PTPN6: variants seen among roughly 807,000 people sequenced by gnomAD.
The protein encoded by PTPN6 is tyrosine-protein phosphatase non-receptor type 6.
PTPN6 carries 18 observed loss-of-function variants against 81.5 expected under a neutral mutation model. That is an observed-to-expected ratio of 0.22 (90% CI 0.15 to 0.33). The LOEUF (loss-of-function observed/expected upper bound fraction) is 0.33. Among genes scored for constraint, PTPN6 ranks in the 10% least tolerant of loss-of-function variants. The probability of loss-of-function intolerance (pLI) is 1.00; values close to 1 mark genes in which losing one functional copy is unlikely to be tolerated. For synonymous variants in PTPN6, 301 were observed against 310.9 expected (o/e 0.97, Z 0.33); for missense variants, 500 against 794.2 (o/e 0.63, Z 4.45).
upstream of PTPN6, among the ~76,000 whole-genome samples, chr12:6,948,639 A>G (rs191441637): frequency 2.0e-5 from 3 of 152,024 alleles, no homozygotes; most frequent in East Asian, 5.8e-4. Context: ...GGTCGAAAGA[A>G]AAAAGAAAAA....
chr12:6,953,870 G>T (rs782486435), intron 3 of PTPN6, among the ~76,000 whole-genome samples: 1 of 152,200 alleles, frequency 6.6e-6, no homozygotes, highest in South Asian at 2.1e-4. Context: ...GGGACAGACT[G>T]GTCCTCCCCT....
In PTPN6 at chr12:6,960,018, G is replaced by T. The variant is rs41311241; in HGVS notation, c.1429+24G>T. 6.2e-7 allele frequency: 1 copy of T among 1,611,534 alleles called. No homozygotes were observed. The highest frequency in any genetic ancestry group is 1.7e-5 in the Admixed American group (1 of 60,016). ...GGGTGAGGGGCACCTGGGGGTTTGG[G>T]GGTGGGGGGTGAGCAGCCCCTCGGT... On this transcript the variant is annotated intron_variant, in intron 12 of 15. Coordinates refer to ENST00000318974, the MANE Select transcript of PTPN6 (RefSeq NM_002831.6). The surrounding 1 kb of genome is among the most constrained non-coding windows in gnomAD (Gnocchi z 6.1).
chr12:6,956,792 T>C lies in PTPN6; in HGVS notation c.1074+224T>C, dbSNP rs1423426304. ...AGCTCCAGACCCAGGTTCCAGGCTG[T>C]CCTCCTTCCTCCTACCCCTGCCCCA... On this transcript the variant is annotated intron_variant, in intron 9 of 15. Transcript: ENST00000318974. The surrounding 1 kb of genome is among the most constrained non-coding windows in gnomAD (Gnocchi z 4.1). 6.6e-6 allele frequency among the ~76,000 whole-genome samples: 1 copy of C among 152,064 alleles called. No individual in the cohort carries two copies. The highest frequency in any genetic ancestry group is 1.5e-5 in the Non-Finnish European group (1 of 68,002).
chr12:6,955,026 C>A lies in PTPN6; in HGVS notation c.516+32C>A, dbSNP rs1293862357. 3.1e-6 allele frequency: 5 copies of A among 1,612,694 alleles called. No homozygotes were observed. In the African/African-American group the frequency reaches 6.7e-5, roughly 22 times the overall value. On this transcript the variant is annotated intron_variant, in intron 4 of 15. Coordinates refer to ENST00000318974, the MANE Select transcript of PTPN6 (RefSeq NM_002831.6). The surrounding 1 kb of genome is among the most constrained non-coding windows in gnomAD (Gnocchi z 7.2). ...CAGCCAGGCGGCGGGGGAGCCTCTG[C>A]TGAGGCTCCTGTCTGTGACCACAGT... is the stretch of plus-strand genomic sequence containing the variant.
At position 6,954,051 on chromosome 12, in the gene PTPN6, G is replaced by A. The variant is rs782181927; in HGVS notation, c.327-754G>A. Among the ~76,000 whole-genome samples the A allele has an allele frequency of 1.2e-4, 19 of 152,300 alleles. No individual in the cohort carries two copies. Among genetic ancestry groups the A allele is most frequent in the African/African-American group, 4.6e-4 (19 of 41,552 alleles). On this transcript the variant is annotated intron_variant, in intron 3 of 15. Transcript: ENST00000318974. The surrounding 1 kb of genome is among the most constrained non-coding windows in gnomAD (Gnocchi z 5.4). The stretch of plus-strand genomic sequence containing the variant: ...TTGTGGGGCTACAGTTTCCTCCTGG[G>A]AAAGGGGTGTGCTTCGGGGAAAGGG...
In PTPN6 at chr12:6,954,003, G is replaced by A. The variant is rs782548190; in HGVS notation, c.327-802G>A. Among the ~76,000 whole-genome samples the A allele has an allele frequency of 1.3e-5, 2 of 152,118 alleles. No homozygotes were observed. The highest frequency in any genetic ancestry group is 6.5e-5 in the Admixed American group (1 of 15,274). On this transcript the variant is annotated intron_variant, in intron 3 of 15. Transcript: ENST00000318974. The surrounding 1 kb of genome is among the most constrained non-coding windows in gnomAD (Gnocchi z 5.4). ...AGGAGTTTTGTGTTTTTTCCATCAC[G>A]TGGTTTCCTGTGGGGCTGGGCTTTG...
In PTPN6 at chr12:6,959,743, G is replaced by T. The variant is rs1350130403; in HGVS notation, c.1362-184G>T. 3 of 664,780 alleles carry T rather than the reference G, an allele frequency of 4.5e-6. No individual in the cohort carries two copies. Among genetic ancestry groups the T allele is most frequent in the Non-Finnish European group, 8.0e-6 (3 of 377,254 alleles). The allele number at this position is 664,780 out of a possible 1,614,324, so 41.2% of individuals were successfully genotyped here. ...TCAGCACCGCAGAGCCCGAGGTGGAGCGTGTCCATGCAGAGCTGGGCAAAC... is the reference window on the plus strand; with the variant it reads ...TCAGCACCGCAGAGCCCGAGGTGGATCGTGTCCATGCAGAGCTGGGCAAAC... On this transcript the variant is annotated intron_variant, in intron 11 of 15. Transcript: ENST00000318974. The surrounding 1 kb of genome is among the most constrained non-coding windows in gnomAD (Gnocchi z 6.6).
Position 6,960,266 on chromosome 12 carries a change from G to GGC in PTPN6, c.1581+28_1581+29insCG, listed in dbSNP as rs782008856. ...TGCGTGCAGAGCAGGGCCTGGGGGGGGGGGGGGCTGCAGTGCAGGATGGGT... is the reference window on the plus strand; with the variant it reads ...TGCGTGCAGAGCAGGGCCTGGGGGGGGCGGGGGGGCTGCAGTGCAGGATGGGT... On this transcript the variant is annotated intron_variant, in intron 13 of 15. Coordinates refer to ENST00000318974, the MANE Select transcript of PTPN6 (RefSeq NM_002831.6). This position sits in a 1 kb window ranked among gnomAD's most constrained non-coding sequence, Gnocchi z 6.1. 20 of 1,607,292 alleles carry GGC rather than the reference G, an allele frequency of 1.2e-5. 1 individual carries two copies. The South Asian group carries it at 2.1e-4, about 17-fold the overall frequency.
rs1234373805 is a variant in PTPN6, at chr12:6,955,541, G to A, written c.747+56G>A. 3.1e-6 allele frequency: 5 copies of A among 1,587,596 alleles called. No homozygotes were observed. The African/African-American group carries it at 6.7e-5, about 21-fold the overall frequency. On this transcript the variant is annotated intron_variant, in intron 6 of 15. Transcript: ENST00000318974. This position sits in a 1 kb window ranked among gnomAD's most constrained non-coding sequence, Gnocchi z 7.2. ...AGCTGAGGTGGTGGCAGCGGCCTGG[G>A]GCCCCAGGCGGACACCTTCCCCTCC...
Position 6,955,025 on chromosome 12 carries a change from G to C in PTPN6, c.516+31G>C, listed in dbSNP as rs781839508. The C allele has an allele frequency of 8.1e-6, 13 of 1,613,218 alleles. No homozygotes were observed. The highest frequency in any genetic ancestry group is 3.3e-5 in the Admixed American group (2 of 60,032). ...GCAGCCAGGCGGCGGGGGAGCCTCT[G>C]CTGAGGCTCCTGTCTGTGACCACAG... On this transcript the variant is annotated intron_variant, in intron 4 of 15. Coordinates refer to ENST00000318974, the MANE Select transcript of PTPN6 (RefSeq NM_002831.6). The surrounding 1 kb of genome is among the most constrained non-coding windows in gnomAD (Gnocchi z 7.2).
In PTPN6 at chr12:6,954,046, C is replaced by T. The variant is rs1482949890; in HGVS notation, c.327-759C>T. 1.3e-5 allele frequency among the ~76,000 whole-genome samples: 2 copies of T among 152,186 alleles called. No homozygotes were observed. The highest frequency in any genetic ancestry group is 4.8e-5 in the African/African-American group (2 of 41,444). ...GGGCTTTGTGGGGCTACAGTTTCCT[C>T]CTGGGAAAGGGGTGTGCTTCGGGGA... On this transcript the variant is annotated intron_variant, in intron 3 of 15. Coordinates refer to ENST00000318974, the MANE Select transcript of PTPN6 (RefSeq NM_002831.6). This position sits in a 1 kb window ranked among gnomAD's most constrained non-coding sequence, Gnocchi z 5.4.
At position 6,955,851 on chromosome 12, in the gene PTPN6, G is replaced by A; in HGVS notation, c.844+95G>A. ...GGTCTCCACCCTCCACGCCAGGAGG[G>A]GCCATCTCCCCACACCCCCCACAGA... On this transcript the variant is annotated intron_variant, in intron 7 of 15. Transcript: ENST00000318974. The surrounding 1 kb of genome is among the most constrained non-coding windows in gnomAD (Gnocchi z 7.2). 1 of 1,209,948 alleles carries A rather than the reference G, an allele frequency of 8.3e-7. No individual in the cohort carries two copies. Among genetic ancestry groups the A allele is most frequent in the Non-Finnish European group, 1.2e-6 (1 of 823,502 alleles). 75.0% of individuals were successfully genotyped at this position (1,209,948 alleles called of 1,614,324 possible). A position where few individuals can be genotyped will look rare whatever the true frequency, so the allele number is the denominator to read the frequency against.
Position 6,957,629 on chromosome 12 carries a change from T to TGCCCCCC in PTPN6, c.1075-25_1075-24insGCCCCCC. 2 of 1,521,468 alleles carry TGCCCCCC rather than the reference T, an allele frequency of 1.3e-6. No individual in the cohort carries two copies. Among genetic ancestry groups the TGCCCCCC allele is most frequent in the Admixed American group, 1.7e-5 (1 of 58,732 alleles). 94.2% of individuals were successfully genotyped at this position (1,521,468 alleles called of 1,614,324 possible). On this transcript the variant is annotated intron_variant, in intron 9 of 15. Transcript: ENST00000318974. The surrounding 1 kb of genome is among the most constrained non-coding windows in gnomAD (Gnocchi z 6.5). ...CCACAGTGCCCTGCTCTGTGCCTCATCCCCACCCGACCCTCCCTTTCCAGA... is the reference window on the plus strand; with the variant it reads ...CCACAGTGCCCTGCTCTGTGCCTCATGCCCCCCCCCCACCCGACCCTCCCTTTCCAGA...
chr12:6,946,712 C>T (rs782543099), upstream of PTPN6: 6 of 1,611,662 alleles, frequency 3.7e-6, no homozygotes, highest in Admixed American at 6.7e-5. Flanking sequence ...TGGCTTCCCC[C>T]TCCCTACAGA....
chr12:6,954,792 C>G lies in PTPN6; in HGVS notation c.327-13C>G, dbSNP rs1039288195. ...GGCCTGGGTCTTACCTTCCCTGACGCTGCCTTCTCTAGGTGGTACCATGGC... is the reference window on the plus strand; with the variant it reads ...GGCCTGGGTCTTACCTTCCCTGACGGTGCCTTCTCTAGGTGGTACCATGGC... On this transcript the variant is annotated splice_polypyrimidine_tract_variant and intron_variant, in intron 3 of 15. Transcript: ENST00000318974. The surrounding 1 kb of genome is among the most constrained non-coding windows in gnomAD (Gnocchi z 5.4). 2 of 1,612,842 alleles carry G rather than the reference C, an allele frequency of 1.2e-6. No homozygotes were observed. The highest frequency in any genetic ancestry group is 1.7e-6 in the Non-Finnish European group (2 of 1,179,876).
chr12:6,947,065 T>C (rs1278294192), upstream of PTPN6, among the ~76,000 whole-genome samples: 1 of 152,156 alleles, frequency 6.6e-6, no homozygotes, highest in African/African-American at 2.4e-5. Flanking sequence ...ACCTCAAACA[T>C]AGCAGTCAGA....
At chr12:6,946,799 T>G, upstream of PTPN6, 1 of 1,524,782 alleles carries the variant, frequency 6.6e-7, no homozygotes, top group Non-Finnish European at 9.0e-7. Flanking sequence ...GAGGGAGGGC[T>G]TTGTTGATGC....
At chr12:6,958,629 G>A (rs782782628) in intron 11 of PTPN6, among the ~76,000 whole-genome samples, 1 of 152,294 alleles carries the variant, frequency 6.6e-6, no homozygotes, top group Non-Finnish European at 1.5e-5. Context: ...TGCTTCTTTG[G>A]GGCTGCACAT....
Position 6,955,908 on chromosome 12 carries a change from T to A in PTPN6, c.844+152T>A. The A allele has an allele frequency of 1.2e-6, 1 of 833,792 alleles. No individual in the cohort carries two copies. The highest frequency in any genetic ancestry group is 1.9e-6 in the Non-Finnish European group (1 of 513,198). 51.6% of individuals were successfully genotyped at this position (833,792 alleles called of 1,614,324 possible). A position where few individuals can be genotyped will look rare whatever the true frequency, so the allele number is the denominator to read the frequency against. On this transcript the variant is annotated intron_variant, in intron 7 of 15. Coordinates refer to ENST00000318974, the MANE Select transcript of PTPN6 (RefSeq NM_002831.6). The surrounding 1 kb of genome is among the most constrained non-coding windows in gnomAD (Gnocchi z 7.2). Reference sequence around the variant, plus strand: ...CCCTTCTCCAAAAGGCCTCTACTCCTCCCAGAAGTGCCTCCCCACCACCAG... The same window carrying A: ...CCCTTCTCCAAAAGGCCTCTACTCCACCCAGAAGTGCCTCCCCACCACCAG...
Sources: gnomAD v4.1 joint callset for allele counts (sites outside exome capture counted in the v4.1 genomes callset) on GRCh38, gnomAD v4.1.1 for gene constraint, Gnocchi (gnomAD v3.1) non-coding constraint, MANE v1.5 for transcripts, NCBI Gene and HGNC (gene_info 2026-07-23, HGNC 2026-07-21) for gene names.